AFG1L: variants seen among roughly 807,000 people sequenced by gnomAD.
AFG1L encodes AFG1 like ATPase, also known as AFG1-like ATPase.
AFG1L carries 53 observed loss-of-function variants against 62.2 expected under a neutral mutation model. The observed-to-expected ratio is 0.85, with a 90% CI of 0.68 to 1.07. AFG1L has a LOEUF of 1.07. Ranked by LOEUF, AFG1L falls within the 50% of genes least tolerant of loss-of-function variation. The pLI is 0.00. For missense variants in AFG1L, 555 were observed against 590.5 expected (o/e 0.94, Z 0.62); for synonymous variants, 228 against 210.3 (o/e 1.08, Z -0.73).
intron 7 of AFG1L, among the ~76,000 whole-genome samples, chr6:108,406,726 C>T (rs1781874477): frequency 1.3e-5 from 2 of 152,226 alleles, no homozygotes; most frequent in African/African-American, 4.8e-5. Flanking sequence ...GTGTGAGCCA[C>T]TGTGCCTGGC....
chr6:108,489,230 G>C (rs928798133), intron 10 of AFG1L, among the ~76,000 whole-genome samples: 2 of 152,174 alleles, frequency 1.3e-5, no homozygotes, highest in African/African-American at 4.8e-5. Context: ...ATAACAGCTG[G>C]AAAGTATAAG....
chr6:108,440,471 A>T (rs1771493292), intron 7 of AFG1L, among the ~76,000 whole-genome samples: 1 of 152,118 alleles, frequency 6.6e-6, no homozygotes, highest in Non-Finnish European at 1.5e-5. Context: ...ACCTGGCCTA[A>T]AAAGGATACG....
chr6:108,458,031 C>T (rs1360649607), intron 8 of AFG1L, among the ~76,000 whole-genome samples: 1 of 151,998 alleles, frequency 6.6e-6, no homozygotes, highest in Non-Finnish European at 1.5e-5. Context: ...TTGTCCTTCT[C>T]TGCATAAGGA....
intron 12 of AFG1L, chr6:108,520,150 G>A: frequency 4.6e-6 from 1 of 216,676 alleles, no homozygotes; most frequent in Non-Finnish European, 9.3e-6. Context: ...CCGGTTCTGG[G>A]CTTGCTCTGC....
chr6:108,518,325 A>G (rs2114915705), intron 11 of AFG1L, among the ~76,000 whole-genome samples: 1 of 152,292 alleles, frequency 6.6e-6, no homozygotes, highest in South Asian at 2.1e-4. Context: ...ATGCAGCCAT[A>G]AAAAATGAGT....
intron 6 of AFG1L, among the ~76,000 whole-genome samples, chr6:108,383,620 T>A (rs987039570): frequency 6.6e-6 from 1 of 151,978 alleles, no homozygotes; most frequent in Admixed American, 6.6e-5. Flanking sequence ...AATAGAATGA[T>A]GAAGAAAGGA....
chr6:108,341,454 G>A (rs777135981), intron 2 of AFG1L, among the ~76,000 whole-genome samples: 55 of 152,102 alleles, frequency 3.6e-4, no homozygotes, highest in Admixed American at 5.9e-4. Context: ...AGCACATTAT[G>A]TTTGCAGTCT....
chr6:108,347,769 A>G (rs1011257038), intron 3 of AFG1L, among the ~76,000 whole-genome samples: 10 of 152,048 alleles, frequency 6.6e-5, no homozygotes, highest in African/African-American at 2.4e-4. Context: ...AGGAGTTTCT[A>G]CTTGGCTTTT....
intron 7 of AFG1L, among the ~76,000 whole-genome samples, chr6:108,432,770 G>GA (rs559193090): frequency 2.7e-4 from 41 of 152,234 alleles, no homozygotes; most frequent in Non-Finnish European, 4.4e-4. Context: ...AAACAAAACA[G>GA]AAAAAAATCA....
At chr6:108,521,957 C>G (rs1474597248) in intron 12 of AFG1L, 2 of 187,456 alleles carry the variant, frequency 1.1e-5, no homozygotes, top group Non-Finnish European at 2.3e-5. Context: ...GGGCCTCCCC[C>G]TTAGGCACTG....
intron 1 of AFG1L, among the ~76,000 whole-genome samples, chr6:108,316,380 CAAAAAA>C (rs768461563): frequency 5.3e-5 from 1 of 18,842 alleles, no homozygotes. Context: ...GACTCCGTCT[CAAAAAA>C]AAAAAAAAAA....
At chr6:108,484,420 T>C (rs1242069590) in intron 10 of AFG1L, among the ~76,000 whole-genome samples, 2 of 152,142 alleles carry the variant, frequency 1.3e-5, no homozygotes, top group Non-Finnish European at 2.9e-5. Flanking sequence ...AAATGAGCCA[T>C]AAGTCTTTTG....
intron 7 of AFG1L, among the ~76,000 whole-genome samples, chr6:108,432,504 A>G (rs1464561643): frequency 6.6e-6 from 1 of 152,188 alleles, no homozygotes; most frequent in Non-Finnish European, 1.5e-5. Flanking sequence ...TTTTATCCAA[A>G]TATAAACCAG....
At chr6:108,369,982 A>ATCTG (rs1293360751) in intron 6 of AFG1L, among the ~76,000 whole-genome samples, 1 of 151,444 alleles carries the variant, frequency 6.6e-6, no homozygotes, top group African/African-American at 2.4e-5. Context: ...CTATCTATCT[A>ATCTG]TCTATCTTTT....
chr6:108,379,628 A>T (rs138779456), intron 6 of AFG1L, among the ~76,000 whole-genome samples: 3,750 of 152,302 alleles, frequency 0.025, 51 homozygotes, highest in Non-Finnish European at 0.039. Context: ...TAGTGCCAAG[A>T]GAGAATCCAG....
intron 6 of AFG1L, among the ~76,000 whole-genome samples, chr6:108,391,762 CA>C (rs1781067389): frequency 6.6e-6 from 1 of 152,014 alleles, no homozygotes; most frequent in South Asian, 2.1e-4. Flanking sequence ...TTGGATGAAA[CA>C]TTTTAAAAAG....
At chr6:108,478,380 T>C (rs1773206322) in intron 10 of AFG1L, among the ~76,000 whole-genome samples, 1 of 152,242 alleles carries the variant, frequency 6.6e-6, no homozygotes, top group African/African-American at 2.4e-5. Flanking sequence ...GAGCCTGCAT[T>C]GAGCCGAGGT....
chr6:108,317,182 C>A (rs1466632662), intron 1 of AFG1L, among the ~76,000 whole-genome samples: 11 of 152,162 alleles, frequency 7.2e-5, no homozygotes, highest in African/African-American at 2.7e-4. Context: ...CTGTTTACTG[C>A]ACAGGCAAAA....
At chr6:108,507,437 T>C (rs1358651497) in intron 10 of AFG1L, among the ~76,000 whole-genome samples, 2 of 152,208 alleles carry the variant, frequency 1.3e-5, no homozygotes, top group Non-Finnish European at 1.5e-5. Flanking sequence ...TTTAGGGATA[T>C]GAGGGGAAGG....
Sources: allele counts gnomAD v4.1 joint callset (sites outside exome capture counted in the v4.1 genomes callset), GRCh38; gene constraint gnomAD v4.1.1; transcripts MANE v1.5; gene names NCBI Gene and HGNC (gene_info 2026-07-23, HGNC 2026-07-21).